STX3: variants seen among roughly 807,000 people sequenced by gnomAD.
STX3 encodes the protein syntaxin 3.
Under a neutral mutation model 40.2 loss-of-function variants are expected in STX3, and 19 were observed. The observed-to-expected ratio is 0.47, with a 90% CI of 0.33 to 0.69. The LOEUF is 0.69. STX3 is among the 30% of genes least tolerant of loss of function. The probability of loss-of-function intolerance (pLI) is 0.02; values close to 1 mark genes in which losing one functional copy is unlikely to be tolerated. For missense variants in STX3, 364 were observed against 366.7 expected (o/e 0.99, Z 0.06); for synonymous variants, 122 against 132.2 (o/e 0.92, Z 0.53).
chr11:59,798,604 C>T (rs1865675881), intron 10 of STX3, among the ~76,000 whole-genome samples: 1 of 151,906 alleles, frequency 6.6e-6, no homozygotes, highest in Non-Finnish European at 1.5e-5. Flanking sequence ...ACTGCAGCCT[C>T]CGCCTCCTGG....
At chr11:59,759,016 G>T (rs1862885917) in intron 1 of STX3, among the ~76,000 whole-genome samples, 1 of 152,250 alleles carries the variant, frequency 6.6e-6, no homozygotes, top group Admixed American at 6.5e-5. Context: ...CCAGTCTTTG[G>T]AAGATGGGAG....
intron 1 of STX3, among the ~76,000 whole-genome samples, chr11:59,757,949 C>T (rs1465474005): frequency 6.6e-6 from 1 of 152,168 alleles, no homozygotes; most frequent in Admixed American, 6.5e-5. Flanking sequence ...GCGTCTTCTC[C>T]CTCTGATTTC....
At chr11:59,796,507 AT>A (rs1291355013) in intron 9 of STX3, among the ~76,000 whole-genome samples, 4 of 152,150 alleles carry the variant, frequency 2.6e-5, no homozygotes, top group Non-Finnish European at 5.9e-5. Context: ...CTGGGAAGTT[AT>A]TTTACATGGT....
chr11:59,785,076 A>C (rs1864664408), intron 2 of STX3, among the ~76,000 whole-genome samples: 1 of 152,192 alleles, frequency 6.6e-6, no homozygotes, highest in Non-Finnish European at 1.5e-5. Flanking sequence ...GTCCAGTCTT[A>C]TAGGTTGCTT....
rs1039471328 is a variant in STX3, at chr11:59,798,680, C to T, written c.*30+1284C>T. Among the ~76,000 whole-genome samples, 7 of 151,476 alleles carry T rather than the reference C, an allele frequency of 4.6e-5. No homozygotes were observed. In the South Asian group the frequency reaches 6.3e-4, roughly 14 times the overall value. ...GATTATAGGTGCCTGCCACCACGCCCGGCTAATTTTTGTATTTTTAGTAGA... is the reference window on the plus strand; with the variant it reads ...GATTATAGGTGCCTGCCACCACGCCTGGCTAATTTTTGTATTTTTAGTAGA... On this transcript the variant is annotated intron_variant, in intron 10 of 10. Coordinates refer to ENST00000337979, the MANE Select transcript of STX3 (RefSeq NM_004177.5).
chr11:59,802,419 T>C lies in STX3; in HGVS notation c.*1595T>C, dbSNP rs1199746631. On this transcript the variant is annotated 3_prime_UTR_variant, in exon 11 of 11. Transcript: ENST00000337979. The stretch of plus-strand genomic sequence containing the variant: ...GCACCCTTAATTCAGGCACTGTCCA[T>C]TAGCTTCCTTTGCAAAGGCTACTTA... 1 of 985,716 alleles carries C rather than the reference T, an allele frequency of 1.0e-6. No homozygotes were observed. Among genetic ancestry groups the C allele is most frequent in the African/African-American group, 1.7e-5 (1 of 57,232 alleles). The allele number at this position is 985,716 out of a possible 1,614,324, so 61.1% of individuals were successfully genotyped here. A position where few individuals can be genotyped will look rare whatever the true frequency, so the allele number is the denominator to read the frequency against.
intron 2 of STX3, among the ~76,000 whole-genome samples, chr11:59,779,988 A>C (rs2134961735): frequency 6.6e-6 from 1 of 152,320 alleles, no homozygotes; most frequent in East Asian, 1.9e-4. Flanking sequence ...AAACTGGTAG[A>C]TTCTGCATTT....
intron 1 of STX3, among the ~76,000 whole-genome samples, chr11:59,767,004 C>G (rs1405813687): frequency 2.0e-5 from 3 of 152,232 alleles, no homozygotes; most frequent in South Asian, 2.1e-4. Flanking sequence ...AAGAGAGGAA[C>G]CTGTGGTCAG....
At chr11:59,775,837 T>C (rs1863935748) in intron 2 of STX3, among the ~76,000 whole-genome samples, 1 of 152,212 alleles carries the variant, frequency 6.6e-6, no homozygotes, top group Non-Finnish European at 1.5e-5. Flanking sequence ...TATGTGTGTG[T>C]CTGTCATTTA....
At chr11:59,800,502 C>G (rs1461638401) in intron 10 of STX3, 1 of 985,244 alleles carries the variant, frequency 1.0e-6, no homozygotes, top group African/African-American at 1.7e-5. Context: ...GATCGAGAAC[C>G]AGAAAGCAGC....
chr11:59,795,241 AAG>A (rs1865440699), intron 8 of STX3, 129 bp from the exon 9 acceptor site: 2 of 698,038 alleles, frequency 2.9e-6, no homozygotes, highest in Non-Finnish European at 4.9e-6. Flanking sequence ...TGTCCTATGG[AAG>A]GCCATGCATC....
At chr11:59,766,114 G>A (rs775022379) in intron 1 of STX3, among the ~76,000 whole-genome samples, 1 of 152,122 alleles carries the variant, frequency 6.6e-6, no homozygotes, top group Admixed American at 6.5e-5. Flanking sequence ...TTTCTGCCTT[G>A]TCCTGGGACC....
intron 2 of STX3, among the ~76,000 whole-genome samples, chr11:59,774,532 A>T (rs1445511844): frequency 6.6e-6 from 1 of 152,038 alleles, no homozygotes; most frequent in Non-Finnish European, 1.5e-5. Flanking sequence ...ATTGAGTTGC[A>T]TAAGGATTAA....
In STX3 at chr11:59,801,403, A is replaced by C; in HGVS notation, c.*579A>C. ...TGGTCTAAAGAGCTGACTTGTTTGA[A>C]ATTCAGCCTTAAATTAAGCTCTTAG... On this transcript the variant is annotated 3_prime_UTR_variant, in exon 11 of 11. Coordinates refer to ENST00000337979, the MANE Select transcript of STX3 (RefSeq NM_004177.5). 1 of 987,414 alleles carries C rather than the reference A, an allele frequency of 1.0e-6. No individual in the cohort carries two copies. The highest frequency in any genetic ancestry group is 1.2e-6 in the Non-Finnish European group (1 of 830,926). The allele number at this position is 987,414 out of a possible 1,614,324, so 61.2% of individuals were successfully genotyped here.
intron 1 of STX3, among the ~76,000 whole-genome samples, chr11:59,759,704 C>T (rs1862931486): frequency 6.6e-6 from 1 of 152,134 alleles, no homozygotes; most frequent in South Asian, 2.1e-4. Context: ...CTCTAAAGGC[C>T]AGACTAACTT....
chr11:59,780,296 A>C (rs1333100799), intron 2 of STX3, among the ~76,000 whole-genome samples: 4 of 152,212 alleles, frequency 2.6e-5, no homozygotes, highest in Non-Finnish European at 5.9e-5. Context: ...TTATAAAAAG[A>C]GACGTGAGAA....
chr11:59,768,652 G>T (rs1236807206), intron 1 of STX3, among the ~76,000 whole-genome samples: 1 of 152,168 alleles, frequency 6.6e-6, no homozygotes, highest in African/African-American at 2.4e-5. Context: ...ATAGCTAAAC[G>T]CATAAATACG....
chr11:59,774,815 C>A (rs1052130827), intron 2 of STX3, among the ~76,000 whole-genome samples: 1 of 151,874 alleles, frequency 6.6e-6, no homozygotes, highest in Non-Finnish European at 1.5e-5. Flanking sequence ...TGGGTGACAG[C>A]GGTAGACTCC....
intron 4 of STX3, 124 bp from the exon 5 acceptor site, chr11:59,790,395 G>T: frequency 1.4e-6 from 1 of 730,288 alleles, no homozygotes; most frequent in Admixed American, 2.2e-5. Context: ...ACCTTTTGAG[G>T]TGACACCTAC....
Sources: gnomAD v4.1 joint callset for allele counts (sites outside exome capture counted in the v4.1 genomes callset) on GRCh38, gnomAD v4.1.1 for gene constraint, MANE v1.5 for transcripts, NCBI Gene and HGNC (gene_info 2026-07-23, HGNC 2026-07-21) for gene names.